The following SLC17A1 variants were observed in gnomAD, a reference collection of about 807,000 sequenced individuals.
SLC17A1 encodes solute carrier family 17 member 1.
SLC17A1 carries 51 observed loss-of-function variants against 53.5 expected under a neutral mutation model. That is an observed-to-expected ratio of 0.95 (90% CI 0.76 to 1.20). The LOEUF (loss-of-function observed/expected upper bound fraction) is 1.20. SLC17A1 is among the 50% of genes most tolerant of loss of function. SLC17A1 has a pLI of 0.00. For missense variants in SLC17A1, 538 were observed against 568.2 expected (o/e 0.95, Z 0.54); for synonymous variants, 179 against 198.8 (o/e 0.90, Z 0.84).
chr6:25,785,381 G>A (rs575362840), intron 12 of SLC17A1, among the ~76,000 whole-genome samples: 5 of 152,014 alleles, frequency 3.3e-5, no homozygotes, highest in Middle Eastern at 3.4e-3. Context: ...AAAACTTAGG[G>A]GTACATCTTC....
chr6:25,768,268 T>C, the SLC17A1 span: 1 of 595,288 alleles, frequency 1.7e-6, no homozygotes, highest in Non-Finnish European at 2.1e-6. Context: ...TTTGCTCCCT[T>C]TCAGGAACCA....
the SLC17A1 span, among the ~76,000 whole-genome samples, chr6:25,753,145 T>A: frequency 3.9e-5 from 6 of 152,218 alleles, no homozygotes; most frequent in Non-Finnish European, 8.8e-5. Flanking sequence ...TATTTTCAAG[T>A]GTTTTACTTT....
At chr6:25,781,695 G>C (rs1312430091), downstream of SLC17A1, among the ~76,000 whole-genome samples, 4 of 152,066 alleles carry the variant, frequency 2.6e-5, no homozygotes, top group Non-Finnish European at 4.4e-5. Context: ...AGCTGGGAGG[G>C]GGAGAGGAGG....
chr6:25,798,043 A>G (rs918730584), intron 12 of SLC17A1, among the ~76,000 whole-genome samples: 2 of 152,188 alleles, frequency 1.3e-5, no homozygotes, highest in African/African-American at 4.8e-5. Flanking sequence ...TTTTCTTAGC[A>G]AGATATTAGT....
chr6:25,779,116 G>A (rs767411821), downstream of SLC17A1: 46 of 1,613,788 alleles, frequency 2.9e-5, no homozygotes, highest in Non-Finnish European at 3.7e-5. Context: ...TATCGGGCCT[G>A]GTTTTCTACC....
chr6:25,746,507 T>A, the SLC17A1 span, among the ~76,000 whole-genome samples: 2 of 152,178 alleles, frequency 1.3e-5, no homozygotes, highest in Non-Finnish European at 2.9e-5. Flanking sequence ...TAAAAATTGT[T>A]GAATGAATAC....
At chr6:25,736,751 T>C in the SLC17A1 span, among the ~76,000 whole-genome samples, 8 of 152,204 alleles carry the variant, frequency 5.3e-5, no homozygotes, top group Non-Finnish European at 1.0e-4. Flanking sequence ...AACTGGACCA[T>C]ATTTAACTAA....
chr6:25,791,601 G>A (rs1275043083), intron 12 of SLC17A1, among the ~76,000 whole-genome samples: 1 of 152,146 alleles, frequency 6.6e-6, no homozygotes, highest in Non-Finnish European at 1.5e-5. Context: ...TGCAATAAAC[G>A]TCTACAGATG....
chr6:25,812,868 A>T lies in SLC17A1; in HGVS notation c.860T>A (p.Met287Lys), dbSNP rs745358408. Reference sequence around the variant, plus strand: ...AACATGAAGCATGGAGTTGATAAACATTGGAGTGTATAGTGTCATGATGTT... The same window carrying T: ...AACATGAAGCATGGAGTTGATAAACTTTGGAGTGTATAGTGTCATGATGTT... Reference protein sequence around the residue: ...SHNIMTLYTPMFINSMLHVNI... With the variant: ...SHNIMTLYTPKFINSMLHVNI... Residue 287 changes from methionine (M) to lysine (K), a missense_variant, in exon 8 of 13, where the codon ATG becomes AAG. By Grantham distance (95) the Met-to-Lys change is moderately conservative. Transcript: ENST00000244527. 11 of 1,612,486 alleles carry T rather than the reference A, an allele frequency of 6.8e-6. No homozygotes were observed. Among genetic ancestry groups the T allele is most frequent in the Non-Finnish European group, 9.3e-6 (11 of 1,178,722 alleles).
intron 12 of SLC17A1, among the ~76,000 whole-genome samples, chr6:25,797,860 T>C (rs1763636260): frequency 6.6e-6 from 1 of 152,120 alleles, no homozygotes; most frequent in Non-Finnish European, 1.5e-5. Context: ...GTCCTCCCTA[T>C]TTTTCTTTAT....
At chr6:25,810,206 G>T (rs1764106389) in intron 10 of SLC17A1, among the ~76,000 whole-genome samples, 1 of 152,002 alleles carries the variant, frequency 6.6e-6, no homozygotes, top group African/African-American at 2.4e-5. Flanking sequence ...CCTGGGCAAT[G>T]ATTTTTTTGG....
chr6:25,807,116 T>A (rs1477419020), intron 10 of SLC17A1, among the ~76,000 whole-genome samples: 2 of 152,190 alleles, frequency 1.3e-5, no homozygotes, highest in Non-Finnish European at 2.9e-5. Context: ...GAAAACAGTA[T>A]GGAGATTTCC....
the SLC17A1 span, chr6:25,732,809 A>G: frequency 1.6e-6 from 1 of 641,230 alleles, no homozygotes; most frequent in East Asian, 4.7e-5. Flanking sequence ...CCACTACCAC[A>G]AAGTCCAGTA....
intron 6 of SLC17A1, among the ~76,000 whole-genome samples, chr6:25,817,884 T>C (rs1764415235): frequency 6.6e-6 from 1 of 152,236 alleles, no homozygotes; most frequent in Non-Finnish European, 1.5e-5. Flanking sequence ...ATAAGGGGCT[T>C]ACGTTCCATC....
chr6:25,786,523 G>A (rs1055949662), intron 12 of SLC17A1, among the ~76,000 whole-genome samples: 1 of 152,198 alleles, frequency 6.6e-6, no homozygotes, highest in African/African-American at 2.4e-5. Flanking sequence ...CCAGGCCCAA[G>A]GGACCACCTA....
At chr6:25,727,399 G>GTTTTTT in the SLC17A1 span, 3 of 683,988 alleles carry the variant, frequency 4.4e-6, no homozygotes, top group Non-Finnish European at 2.2e-6. Context: ...AACCGTAAGG[G>GTTTTTT]TTTTTTTTTT....
chr6:25,729,424 G>A, the SLC17A1 span, among the ~76,000 whole-genome samples: 1 of 152,154 alleles, frequency 6.6e-6, no homozygotes, highest in Non-Finnish European at 1.5e-5. Flanking sequence ...AGAGAGGATA[G>A]GATAAAGTAA....
At chr6:25,756,698 G>T in the SLC17A1 span, among the ~76,000 whole-genome samples, 1 of 152,174 alleles carries the variant, frequency 6.6e-6, no homozygotes, top group African/African-American at 2.4e-5. Context: ...ATAAGTAAAA[G>T]GAGAGGGCAA....
chr6:25,724,531 T>C, the SLC17A1 span, among the ~76,000 whole-genome samples: 1 of 152,386 alleles, frequency 6.6e-6, no homozygotes, highest in South Asian at 2.1e-4. Context: ...TTATTCTATC[T>C]AAACATTTAG....
Sources: allele counts gnomAD v4.1 joint callset (sites outside exome capture counted in the v4.1 genomes callset), GRCh38; gene constraint gnomAD v4.1.1; transcripts MANE v1.5; gene names NCBI Gene and HGNC (gene_info 2026-07-23, HGNC 2026-07-21).